AKT2: variants seen among roughly 807,000 people sequenced by gnomAD.
AKT2 encodes AKT serine/threonine kinase 2, also known as RAC-beta serine/threonine-protein kinase.
In AKT2, 16 loss-of-function variants were observed where a neutral mutation model predicts 58.6. The ratio of observed to expected loss-of-function variants is 0.27; its 90% CI spans 0.18 to 0.41. The LOEUF (loss-of-function observed/expected upper bound fraction) is 0.41. Among genes scored for constraint, AKT2 ranks in the 10% least tolerant of loss-of-function variants. The probability of loss-of-function intolerance (pLI) is 1.00; values close to 1 mark genes in which losing one functional copy is unlikely to be tolerated. For synonymous variants in AKT2, 253 were observed against 254.0 expected, an observed-to-expected ratio of 1.00 and a Z score of 0.04; for missense variants, 438 against 661.0, an observed-to-expected ratio of 0.66 and a Z score of 3.70.
intron 1 of AKT2, among the ~76,000 whole-genome samples, chr19:40,280,620 C>A (rs2077406613): frequency 6.6e-6 from 1 of 152,132 alleles, no homozygotes; most frequent in African/African-American, 2.4e-5. Flanking sequence ...AGCCCCAGGA[C>A]TCATCTCCTC....
At chr19:40,278,265 C>G (rs1308291919) in intron 1 of AKT2, among the ~76,000 whole-genome samples, 1 of 152,228 alleles carries the variant, frequency 6.6e-6, no homozygotes, top group Non-Finnish European at 1.5e-5. Flanking sequence ...TACTGACTTC[C>G]AGCAAATCCA....
intron 10 of AKT2, 48 bp from the exon 11 acceptor site, chr19:40,236,152 G>T (rs2145166379): frequency 1.2e-6 from 2 of 1,613,332 alleles, no homozygotes; most frequent in Non-Finnish European, 1.7e-6. Flanking sequence ...CCTGAGGCTG[G>T]CATCACAGTC....
At chr19:40,243,119 T>G in intron 4 of AKT2, 1 of 188,822 alleles carries the variant, frequency 5.3e-6, no homozygotes, top group Non-Finnish European at 1.1e-5. Flanking sequence ...TCCAGCCTGG[T>G]GACAGTGCGA....
intron 1 of AKT2, among the ~76,000 whole-genome samples, chr19:40,283,777 C>G: frequency 6.6e-6 from 1 of 152,172 alleles, no homozygotes; most frequent in East Asian, 1.9e-4. Context: ...GCCTTCCTCC[C>G]TGGGCCAGGC....
intron 4 of AKT2, among the ~76,000 whole-genome samples, chr19:40,246,050 G>A (rs1464858816): frequency 1.6e-5 from 2 of 125,892 alleles, no homozygotes; most frequent in African/African-American, 6.1e-5. Flanking sequence ...ACAAATTACA[G>A]CCTAATTCCC....
chr19:40,251,006 C>T (rs772838809), intron 4 of AKT2, among the ~76,000 whole-genome samples: 7 of 151,970 alleles, frequency 4.6e-5, no homozygotes, highest in Non-Finnish European at 1.0e-4. Context: ...AGTTCCAGAC[C>T]GGCCTGGACA....
chr19:40,245,474 AC>A (rs771089532), intron 4 of AKT2, among the ~76,000 whole-genome samples: 4 of 152,220 alleles, frequency 2.6e-5, no homozygotes, highest in Non-Finnish European at 4.4e-5. Context: ...TCACATAGGC[AC>A]AAACATCTCC....
chr19:40,236,178 C>T, intron 10 of AKT2, 74 bp from the exon 11 acceptor site: 1 of 1,613,406 alleles, frequency 6.2e-7, no homozygotes, highest in African/African-American at 1.3e-5. Flanking sequence ...CTCAGGGCAT[C>T]TGGGCTGGAA....
chr19:40,239,822 T>G (rs1974277263), intron 7 of AKT2: 3 of 698,914 alleles, frequency 4.3e-6, no homozygotes, highest in East Asian at 5.4e-5. Context: ...AATGCTTACA[T>G]GAAGCCACCA....
Position 40,284,905 on chromosome 19 carries a change from C to T in AKT2, c.-85+276G>A, listed in dbSNP as rs547456458. On this transcript the variant is annotated intron_variant, in intron 1 of 13. Transcript: ENST00000392038. ...CCGCCGCGCCCGAAAGGTCCAGCCC[C>T]CGGCCCGCGCACGCTGCGGCCTGCG... is the stretch of plus-strand genomic sequence containing the variant. 1.2e-3 allele frequency: 361 copies of T among 294,216 alleles called. 2 individuals carry two copies. The highest frequency in any genetic ancestry group is 7.0e-3 in the African/African-American group (321 of 45,854). 18.2% of individuals were successfully genotyped at this position (294,216 alleles called of 1,614,324 possible). A position where few individuals can be genotyped will look rare whatever the true frequency, so the allele number is the denominator to read the frequency against.
In AKT2 at chr19:40,238,127, C is replaced by T. The variant is rs1301235169; in HGVS notation, c.709-36G>A. ...AAGGGGTGGGGAGAGGAGGTCAGGC[C>T]CCAGCCCACCCACCTGCCCTCACCT... is the stretch of plus-strand genomic sequence containing the variant. On this transcript the variant is annotated intron_variant, in intron 8 of 13. Transcript: ENST00000392038. This position sits in a 1 kb window ranked among gnomAD's most constrained non-coding sequence, Gnocchi z 5.1. 1.9e-5 allele frequency: 29 copies of T among 1,564,644 alleles called. No individual in the cohort carries two copies. Among genetic ancestry groups the T allele is most frequent in the Non-Finnish European group, 2.4e-5 (28 of 1,155,080 alleles).
intron 4 of AKT2, among the ~76,000 whole-genome samples, chr19:40,251,911 G>A (rs1344167933): frequency 1.3e-5 from 2 of 152,202 alleles, no homozygotes; most frequent in East Asian, 1.9e-4. Flanking sequence ...AAGCAGACAC[G>A]GTGAATGCGG....
In AKT2 at chr19:40,233,197, G is replaced by T. The variant is rs573002750; in HGVS notation, c.*675C>A. ...TCATCCATAGGGTGAGGACAGTTTGGTGGGGAGGAGGCCGGACCAGGAGGC... is the reference window on the plus strand; with the variant it reads ...TCATCCATAGGGTGAGGACAGTTTGTTGGGGAGGAGGCCGGACCAGGAGGC... On this transcript the variant is annotated 3_prime_UTR_variant, in exon 14 of 14. Transcript: ENST00000392038. The surrounding 1 kb of genome is among the most constrained non-coding windows in gnomAD (Gnocchi z 4.3). 9.0e-5 allele frequency: 24 copies of T among 265,716 alleles called. No individual in the cohort carries two copies. Among genetic ancestry groups the T allele is most frequent in the Non-Finnish European group, 1.1e-4 (15 of 138,000 alleles). The allele number at this position is 265,716 out of a possible 1,614,324, so 16.5% of individuals were successfully genotyped here.
At chr19:40,269,899 G>A (rs555129070) in intron 1 of AKT2, among the ~76,000 whole-genome samples, 9 of 152,064 alleles carry the variant, frequency 5.9e-5, no homozygotes, top group African/African-American at 1.2e-4. Context: ...TTCTCCGCTC[G>A]AACCCTCCCA....
intron 4 of AKT2, among the ~76,000 whole-genome samples, chr19:40,250,354 T>C (rs1479577169): frequency 6.6e-6 from 1 of 151,444 alleles, no homozygotes; most frequent in African/African-American, 2.4e-5. Context: ...AAATACAAAA[T>C]GAGCTAGGCA....
rs1555764913 is a variant in AKT2, at chr19:40,233,695, G to GGCTGGAA, written c.*176_*177insTTCCAGC. The GGCTGGAA allele has an allele frequency of 1.3e-6, 1 of 773,732 alleles. No homozygotes were observed. 47.9% of individuals were successfully genotyped at this position (773,732 alleles called of 1,614,324 possible). On this transcript the variant is annotated 3_prime_UTR_variant, in exon 14 of 14. Transcript: ENST00000392038. This position sits in a 1 kb window ranked among gnomAD's most constrained non-coding sequence, Gnocchi z 4.3. Reference sequence around the variant, plus strand: ...CACAAAGGTGAGGCTGGAGGCTGGAGGCAGGGGCTGCAGGGGCCGCTGGGG... The same window carrying GGCTGGAA: ...CACAAAGGTGAGGCTGGAGGCTGGAGGCTGGAAGCAGGGGCTGCAGGGGCCGCTGGGG...
chr19:40,260,969 T>C (rs1481959085), intron 2 of AKT2, among the ~76,000 whole-genome samples: 1 of 152,192 alleles, frequency 6.6e-6, no homozygotes, highest in Admixed American at 6.5e-5. Context: ...CAAAAAATCA[T>C]GTTGCTAAGT....
chr19:40,267,685 C>A (rs1326829769), intron 1 of AKT2, among the ~76,000 whole-genome samples: 1 of 152,218 alleles, frequency 6.6e-6, no homozygotes, highest in Non-Finnish European at 1.5e-5. Flanking sequence ...GGACCACACA[C>A]AGCCAGGGAC....
At chr19:40,244,831 A>G (rs1299100616) in intron 4 of AKT2, among the ~76,000 whole-genome samples, 2 of 152,302 alleles carry the variant, frequency 1.3e-5, no homozygotes, top group Middle Eastern at 3.4e-3. Flanking sequence ...CAGGCAGGGA[A>G]CAAGTGTGGC....
Sources: allele counts gnomAD v4.1 joint callset (sites outside exome capture counted in the v4.1 genomes callset), GRCh38; gene constraint gnomAD v4.1.1; non-coding constraint Gnocchi (gnomAD v3.1); transcripts MANE v1.5; gene names NCBI Gene and HGNC (gene_info 2026-07-23, HGNC 2026-07-21).